Variants in LRPPRC observed in about 807,000 individuals in gnomAD.
LRPPRC encodes leucine-rich PPR motif-containing protein, mitochondrial.
In LRPPRC, 120 loss-of-function variants were observed where a neutral mutation model predicts 180.3. The ratio of observed to expected loss-of-function variants is 0.67; its 90% CI spans 0.57 to 0.77. The LOEUF (loss-of-function observed/expected upper bound fraction) is 0.77, where lower values mean the gene tolerates loss of function less well. Ranked by LOEUF, LRPPRC falls within the 30% of genes least tolerant of loss-of-function variation. The pLI, the probability that LRPPRC is intolerant of heterozygous loss-of-function variation, is 0.00. For synonymous variants in LRPPRC, 723 were observed against 600.0 expected, an observed-to-expected ratio of 1.21 and a Z score of -3.00; for missense variants, 2,012 against 1,657.2, an observed-to-expected ratio of 1.21 and a Z score of -3.72.
chr2:43,910,873 T>C (rs1279944683), intron 30 of LRPPRC, among the ~76,000 whole-genome samples: 1 of 152,020 alleles, frequency 6.6e-6, no homozygotes, highest in Non-Finnish European at 1.5e-5. Flanking sequence ...ATTTCAGAGG[T>C]CTTTGTGACC....
chr2:43,991,732 A>G (rs531424663), intron 1 of LRPPRC, among the ~76,000 whole-genome samples: 1 of 152,346 alleles, frequency 6.6e-6, no homozygotes, highest in East Asian at 1.9e-4. Flanking sequence ...CACATATTAC[A>G]AAGTAAAAGG....
Position 43,889,727 on chromosome 2 carries a change from TACTC to T in LRPPRC, c.4128+3_4128+6del, listed in dbSNP as rs774054153. 3.1e-6 allele frequency: 5 copies of T among 1,608,996 alleles called. No individual in the cohort carries two copies. The highest frequency in any genetic ancestry group is 2.2e-5 in the South Asian group (2 of 90,946). On this transcript the variant is annotated splice_donor_5th_base_variant and intron_variant, in intron 37 of 37. Coordinates refer to ENST00000260665, the MANE Select transcript of LRPPRC (RefSeq NM_133259.4). ...GTATTTTTTCCCCTTAATTAAGAAA[TACTC>T]ACAGGGGGTTCAATGAAAGGGACAG... is the stretch of plus-strand genomic sequence containing the variant.
At chr2:43,946,969 A>G (rs1233741997) in intron 20 of LRPPRC, among the ~76,000 whole-genome samples, 1 of 152,090 alleles carries the variant, frequency 6.6e-6, no homozygotes, top group African/African-American at 2.4e-5. Flanking sequence ...CAATCTAGAT[A>G]TAAGAGACCG....
intron 35 of LRPPRC, 130 bp from the exon 36 acceptor site, chr2:43,894,759 C>T (rs1670620914): frequency 3.1e-6 from 2 of 653,100 alleles, no homozygotes; most frequent in Non-Finnish European, 5.6e-6. Flanking sequence ...ATTTAATGCA[C>T]TATTGTCCCT....
chr2:43,898,106 ACAAG>A (rs918184667), intron 34 of LRPPRC, among the ~76,000 whole-genome samples: 2 of 151,772 alleles, frequency 1.3e-5, no homozygotes, highest in African/African-American at 2.4e-5. Flanking sequence ...AAAAAAGTAA[ACAAG>A]CAAAGCAAAA....
chr2:43,947,773 A>G lies in LRPPRC; in HGVS notation c.1923T>C (p.Asp641=), dbSNP rs1436067654. Residue 641 remains aspartate, a splice_region_variant and synonymous_variant, in exon 19 of 38, where the codon GAT becomes GAC. Transcript: ENST00000260665. ...TCTTACTCTCAACCAACAAGTGAGCATCCTAAAATTGAAATTTAAATTAGC... is the reference window on the plus strand; with the variant it reads ...TCTTACTCTCAACCAACAAGTGAGCGTCCTAAAATTGAAATTTAAATTAGC... The part of the protein sequence containing the change: ...ESYHVPELIK[D]AHLLVESKNL... 6.3e-7 allele frequency: 1 copy of G among 1,586,722 alleles called. No individual in the cohort carries two copies. The highest frequency in any genetic ancestry group is 1.1e-5 in the South Asian group (1 of 90,458).
intron 11 of LRPPRC, among the ~76,000 whole-genome samples, chr2:43,967,081 G>A (rs1169223024): frequency 6.6e-6 from 1 of 151,878 alleles, no homozygotes; most frequent in East Asian, 2.0e-4. Context: ...CTTGACTGTG[G>A]TAATGACTTC....
intron 14 of LRPPRC, among the ~76,000 whole-genome samples, chr2:43,950,927 G>A (rs376924024): frequency 5.3e-5 from 8 of 152,152 alleles, no homozygotes; most frequent in East Asian, 1.9e-4. Flanking sequence ...AAAATTAGCC[G>A]GGAGTGTTGG....
chr2:43,925,370 T>A (rs370415528), intron 26 of LRPPRC, among the ~76,000 whole-genome samples: 1 of 152,222 alleles, frequency 6.6e-6, no homozygotes, highest in Non-Finnish European at 1.5e-5. Flanking sequence ...TCTTACATTA[T>A]ACTTATTTTA....
Position 43,894,560 on chromosome 2 carries a change from G to T in LRPPRC, c.3970C>A (p.Leu1324Ile). 1.3e-6 allele frequency: 2 copies of T among 1,517,898 alleles called. No homozygotes were observed. Among genetic ancestry groups the T allele is most frequent in the Non-Finnish European group, 9.1e-7 (1 of 1,092,976 alleles). 94.0% of individuals were successfully genotyped at this position (1,517,898 alleles called of 1,614,324 possible). The change falls in exon 36 of 38, where the codon CTC becomes ATC. Residue 1324 changes from leucine to isoleucine, a missense_variant. Coordinates refer to ENST00000260665, the MANE Select transcript of LRPPRC (RefSeq NM_133259.4). ...CTTATATTACCATAGCTTTTCATGA[G>T]GGAATTGTATGCTTCTTCCTTTTCA... ...LNEKEEAYNS[L>I]MKSYVSEKDV...
chr2:43,919,312 T>TG (rs1370120912), intron 27 of LRPPRC, among the ~76,000 whole-genome samples: 6 of 152,156 alleles, frequency 3.9e-5, no homozygotes, highest in African/African-American at 1.4e-4. Context: ...CCAAAAAGGT[T>TG]GGGGGCTGCT....
chr2:43,914,938 G>T (rs928628076), intron 29 of LRPPRC, among the ~76,000 whole-genome samples: 1 of 151,614 alleles, frequency 6.6e-6, no homozygotes, highest in South Asian at 2.1e-4. Flanking sequence ...GGGCGTGGTG[G>T]TGGCTCATGC....
At chr2:43,996,129 G>A (rs1240602297), upstream of LRPPRC, 4 of 552,756 alleles carry the variant, frequency 7.2e-6, no homozygotes, top group Middle Eastern at 4.7e-4. Context: ...AAGACCCAAT[G>A]TAATATTTAC....
Position 43,963,659 on chromosome 2 carries a change from C to T in LRPPRC, c.1417G>A (p.Asp473Asn), listed in dbSNP as rs996514783. The change falls in exon 12 of 38, where the codon GAT (aspartate) becomes AAT (asparagine). Residue 473 changes from aspartate (D) to asparagine (N), a missense_variant. Transcript: ENST00000260665. Reference sequence around the variant, plus strand: ...ACATAATCTGTATATGTTTCCTGATCAGGATGTACTCCCAATTCTTGCATT... The same window carrying T: ...ACATAATCTGTATATGTTTCCTGATTAGGATGTACTCCCAATTCTTGCATT... ...KGMQELGVHP[D>N]QETYTDYVIP... 6.2e-7 allele frequency: 1 copy of T among 1,611,492 alleles called. No individual in the cohort carries two copies. Among genetic ancestry groups the T allele is most frequent in the Non-Finnish European group, 8.5e-7 (1 of 1,177,790 alleles).
At chr2:43,931,946 T>C (rs566836718) in intron 25 of LRPPRC, among the ~76,000 whole-genome samples, 8 of 151,824 alleles carry the variant, frequency 5.3e-5, no homozygotes, top group Non-Finnish European at 7.4e-5. Flanking sequence ...GTCAAAGAGA[T>C]AGACCTTTAA....
intron 27 of LRPPRC, among the ~76,000 whole-genome samples, chr2:43,924,777 G>T (rs1028726827): frequency 6.6e-6 from 1 of 152,142 alleles, no homozygotes; most frequent in Admixed American, 6.5e-5. Context: ...AAAAAGAACA[G>T]AAAGACCGTT....
chr2:43,995,714 G>C, intron 1 of LRPPRC, 85 bp downstream of exon 1: 1 of 1,247,526 alleles, frequency 8.0e-7, no homozygotes. Flanking sequence ...GGCGAGCACA[G>C]GCAGGACCCG....
chr2:43,940,386 A>G lies in LRPPRC; in HGVS notation c.2504+3301T>C, dbSNP rs540321877. ...AGCCTATTTCCCATTTATGTAACAT[A>G]TTAAAGTGTTACAGTGAGTTCCAAA... On this transcript the variant is annotated intron_variant, in intron 23 of 37. Coordinates refer to ENST00000260665, the MANE Select transcript of LRPPRC (RefSeq NM_133259.4). 1.4e-4 allele frequency among the ~76,000 whole-genome samples: 22 copies of G among 152,342 alleles called. No individual in the cohort carries two copies. In the South Asian group the frequency reaches 4.3e-3, roughly 30 times the overall value.
chr2:43,995,678 C>G, intron 1 of LRPPRC, 121 bp downstream of exon 1: 2 of 973,798 alleles, frequency 2.1e-6, no homozygotes, highest in Non-Finnish European at 2.8e-6. Flanking sequence ...CCCGGGGAGG[C>G]TAGGTCCTGG....
Sources: allele counts gnomAD v4.1 joint callset (sites outside exome capture counted in the v4.1 genomes callset), GRCh38; gene constraint gnomAD v4.1.1; transcripts MANE v1.5; gene names NCBI Gene and HGNC (gene_info 2026-07-23, HGNC 2026-07-21).